The following NUP62CL variants were observed in gnomAD, a reference collection of about 807,000 sequenced individuals.
NUP62CL encodes nucleoporin 62 C-terminal like.
A neutral mutation model predicts 15.3 loss-of-function variants in NUP62CL; 13 were observed. The ratio of observed to expected loss-of-function variants is 0.85; its 90% CI spans 0.55 to 1.35. The LOEUF is 1.35. Among genes scored for constraint, NUP62CL ranks in the 40% most tolerant of loss-of-function variants. The pLI, the probability that NUP62CL is intolerant of heterozygous loss-of-function variation, is 0.00. For synonymous variants in NUP62CL, 54 were observed against 49.2 expected (o/e 1.10, Z -0.41); for missense variants, 123 against 130.6 (o/e 0.94, Z 0.28).
intron 7 of NUP62CL, chrX:107,150,843 G>A (rs1925992056): frequency 2.9e-6 from 1 of 341,029 alleles, no homozygotes; most frequent in Non-Finnish European, 5.9e-6. Flanking sequence ...AGTACACAAA[G>A]CAGTAAACAC....
chrX:107,130,599 T>C (rs1377093328), intron 8 of NUP62CL, among the ~76,000 whole-genome samples: 1 of 111,285 alleles, frequency 9.0e-6, no homozygotes, highest in African/African-American at 3.3e-5. Context: ...AATATAAGAA[T>C]GCTATAGAAG....
chrX:107,153,131 T>A, intron 7 of NUP62CL, 41 bp downstream of exon 7: 1 of 1,151,118 alleles, frequency 8.7e-7, no homozygotes, highest in South Asian at 2.2e-5. Flanking sequence ...TCAGAATACG[T>A]AAGTCCTGCC....
At chrX:107,203,861 G>T (rs183900997) in intron 1 of NUP62CL, among the ~76,000 whole-genome samples, 1 of 111,130 alleles carries the variant, frequency 9.0e-6, no homozygotes, top group East Asian at 2.8e-4. Flanking sequence ...TTTCAATGTT[G>T]CATTAATAAA....
chrX:107,203,027 A>G (rs1193622844), intron 1 of NUP62CL, among the ~76,000 whole-genome samples: 1 of 106,578 alleles, frequency 9.4e-6, no homozygotes, highest in African/African-American at 3.4e-5. Context: ...TATAAAGGAC[A>G]CCAGGACTGA....
intron 2 of NUP62CL, among the ~76,000 whole-genome samples, chrX:107,179,479 C>T (rs1228386527): frequency 3.6e-5 from 4 of 111,297 alleles, no homozygotes; most frequent in Non-Finnish European, 5.7e-5. Flanking sequence ...GTGTACCTAC[C>T]GTTTAGCTCC....
At chrX:107,155,207 G>A (rs1285591) in intron 4 of NUP62CL, among the ~76,000 whole-genome samples, 2 of 111,290 alleles carry the variant, frequency 1.8e-5, no homozygotes, top group Non-Finnish European at 3.8e-5. Flanking sequence ...ACTTTGTCCC[G>A]CTTCTCCCAT....
At chrX:107,171,885 G>A (rs1010540739) in intron 3 of NUP62CL, among the ~76,000 whole-genome samples, 1 of 109,706 alleles carries the variant, frequency 9.1e-6, no homozygotes, top group African/African-American at 3.3e-5. Flanking sequence ...TTTTTTTTTG[G>A]TCATTGTTTT....
intron 3 of NUP62CL, among the ~76,000 whole-genome samples, chrX:107,174,065 CT>C: frequency 2.7e-5 from 2 of 74,604 alleles, no homozygotes; most frequent in African/African-American, 1.1e-4. Context: ...CCCTCCCTCC[CT>C]CCCTCTCTCT....
chrX:107,135,099 T>C (rs941118030), intron 8 of NUP62CL, among the ~76,000 whole-genome samples: 7 of 111,569 alleles, frequency 6.3e-5, no homozygotes, highest in African/African-American at 2.3e-4. Context: ...GTTTCCCCCT[T>C]ATGTATGTAT....
chrX:107,124,000 C>T lies in NUP62CL; in HGVS notation c.*375G>A, dbSNP rs1182995481. 1 of 202,066 alleles carries T rather than the reference C, an allele frequency of 4.9e-6. No homozygotes were observed. The highest frequency in any genetic ancestry group is 1.7e-4 in the East Asian group (1 of 5,750). The allele number at this position is 202,066 out of a possible 1,213,427, so 16.7% of individuals were successfully genotyped here. A position where few individuals can be genotyped will look rare whatever the true frequency, so the allele number is the denominator to read the frequency against. ...GCCAGGGAGAGTAAGACATAAATTA[C>T]ACATATAGAGTCAGCATCTAAGAGG... On this transcript the variant is annotated 3_prime_UTR_variant, in exon 9 of 9. Transcript: ENST00000372466.
chrX:107,143,520 A>G (rs995472061), intron 8 of NUP62CL, among the ~76,000 whole-genome samples: 5 of 111,098 alleles, frequency 4.5e-5, no homozygotes, highest in Admixed American at 1.9e-4. Context: ...CAGCCTCCAA[A>G]TCACTTTTAA....
At chrX:107,179,388 T>C (rs904990266) in intron 2 of NUP62CL, among the ~76,000 whole-genome samples, 4 of 111,470 alleles carry the variant, frequency 3.6e-5, no homozygotes, top group African/African-American at 1.3e-4. Context: ...ACCCAATAGG[T>C]AATTTTTCAA....
At position 107,134,812 on chromosome X, in the gene NUP62CL, G is replaced by T. The variant is rs181005025; in HGVS notation, c.*43-10480C>A. Among the ~76,000 whole-genome samples the T allele has an allele frequency of 4.6e-3, 512 of 111,712 alleles. 3 individuals are homozygous for T. Among genetic ancestry groups the T allele is most frequent in the African/African-American group, 0.016 (478 of 30,720 alleles). ...GGAAAATGACTTACCTTGATAAAAA[G>T]CATTTTAAAATCATAAGCAGATGAT... On this transcript the variant is annotated intron_variant, in intron 8 of 8. Coordinates refer to ENST00000372466, the MANE Select transcript of NUP62CL (RefSeq NM_017681.3).
chrX:107,171,318 T>C (rs1926644639), intron 3 of NUP62CL, among the ~76,000 whole-genome samples: 1 of 111,502 alleles, frequency 9.0e-6, no homozygotes, highest in South Asian at 3.8e-4. Context: ...ACATACCTAA[T>C]GGGGAGAAGG....
chrX:107,144,783 A>G (rs911218200), intron 8 of NUP62CL, among the ~76,000 whole-genome samples: 1 of 111,326 alleles, frequency 9.0e-6, no homozygotes, highest in Non-Finnish European at 1.9e-5. Flanking sequence ...CCTTCTCTAG[A>G]TCCAATTTAA....
intron 4 of NUP62CL, among the ~76,000 whole-genome samples, chrX:107,160,003 C>T (rs1234523908): frequency 9.7e-6 from 1 of 102,567 alleles, no homozygotes; most frequent in African/African-American, 3.6e-5. Flanking sequence ...AAACAGAGAG[C>T]CAAATCATGA....
chrX:107,192,405 C>T (rs1044738936), intron 2 of NUP62CL, among the ~76,000 whole-genome samples: 1 of 111,632 alleles, frequency 9.0e-6, no homozygotes, highest in Non-Finnish European at 1.9e-5. Context: ...TTTGAGACAG[C>T]GTCTCGCTCT....
chrX:107,195,083 G>T (rs1927333130), intron 1 of NUP62CL, among the ~76,000 whole-genome samples: 1 of 110,179 alleles, frequency 9.1e-6, no homozygotes, highest in African/African-American at 3.3e-5. Context: ...TCCCAGTGTT[G>T]GGATTACAGA....
intron 8 of NUP62CL, among the ~76,000 whole-genome samples, chrX:107,139,315 A>T (rs182126700): frequency 1.8e-5 from 2 of 111,679 alleles, no homozygotes; most frequent in East Asian, 5.6e-4. Context: ...AACTAAATAC[A>T]CACACACAAG....
Sources: allele counts gnomAD v4.1 joint callset (sites outside exome capture counted in the v4.1 genomes callset), GRCh38; gene constraint gnomAD v4.1.1; transcripts MANE v1.5; gene names NCBI Gene and HGNC (gene_info 2026-07-23, HGNC 2026-07-21).